The following LCMT1 variants were observed in gnomAD, a reference collection of about 807,000 sequenced individuals.
LCMT1 encodes [Phosphatase 2A protein]-leucine-carboxy methyltransferase 1.
In LCMT1, 32 loss-of-function variants were observed where a neutral mutation model predicts 47.7. That is an observed-to-expected ratio of 0.67 (90% confidence interval 0.51 to 0.90). The LOEUF (loss-of-function observed/expected upper bound fraction) is 0.90. Ranked by LOEUF, LCMT1 falls within the 40% of genes least tolerant of loss-of-function variation. The probability of loss-of-function intolerance (pLI) is 0.00; values close to 1 mark genes in which losing one functional copy is unlikely to be tolerated. For missense variants in LCMT1, 375 were observed against 415.2 expected, an observed-to-expected ratio of 0.90 and a Z score of 0.84; for synonymous variants, 152 against 149.7, an observed-to-expected ratio of 1.02 and a Z score of -0.11.
intron 9 of LCMT1, among the ~76,000 whole-genome samples, chr16:25,174,318 A>G (rs544126027): frequency 7.2e-5 from 11 of 151,894 alleles, no homozygotes; most frequent in South Asian, 2.1e-4. Flanking sequence ...AGTAAAAACA[A>G]CCCTCCTCAC....
Position 25,132,491 on chromosome 16 carries a change from G to A in LCMT1, c.295G>A (p.Ala99Thr), listed in dbSNP as rs1294679170. Residue 99 changes from alanine to threonine, a missense_variant, in exon 3 of 11, where the codon GCA (alanine) becomes ACA (threonine). Transcript: ENST00000399069. The part of the protein sequence containing the change: ...ECHCQIVNLG[A>T]GMDTTFWRLK... Reference sequence around the variant, plus strand: ...TCATTGTCAAATTGTCAACCTTGGGGCAGGCATGGATACCACCTTCTGGAG... The same window carrying A: ...TCATTGTCAAATTGTCAACCTTGGGACAGGCATGGATACCACCTTCTGGAG... 1 of 1,613,748 alleles carries A rather than the reference G, an allele frequency of 6.2e-7. No homozygotes were observed. Among genetic ancestry groups the A allele is most frequent in the African/African-American group, 1.3e-5 (1 of 74,900 alleles).
At chr16:25,165,954 T>G (rs575402608) in intron 7 of LCMT1, among the ~76,000 whole-genome samples, 10 of 152,266 alleles carry the variant, frequency 6.6e-5, no homozygotes, top group African/African-American at 2.4e-4. Flanking sequence ...TATTTTTTGT[T>G]CTCTCTGAGC....
intron 7 of LCMT1, among the ~76,000 whole-genome samples, 159 bp downstream of exon 7, chr16:25,164,877 C>A (rs898633541): frequency 6.6e-6 from 1 of 152,244 alleles, no homozygotes; most frequent in African/African-American, 2.4e-5. Flanking sequence ...GTACTCCTGA[C>A]CTCTTGACCT....
intron 1 of LCMT1, among the ~76,000 whole-genome samples, chr16:25,119,991 T>C (rs1013956732): frequency 4.0e-5 from 6 of 151,698 alleles, no homozygotes; most frequent in African/African-American, 1.5e-4. Flanking sequence ...AAATCCCGTC[T>C]CTACTAAAAA....
chr16:25,140,947 CCTCTA>C (rs1960668552), intron 4 of LCMT1: 1 of 149,974 alleles, frequency 6.7e-6, no homozygotes, highest in Non-Finnish European at 1.5e-5. Flanking sequence ...GAGATTTCAC[CCTCTA>C]TTCTTAAGGA....
intron 1 of LCMT1, among the ~76,000 whole-genome samples, chr16:25,114,683 C>T (rs1222931868): frequency 6.6e-6 from 1 of 152,140 alleles, no homozygotes; most frequent in Non-Finnish European, 1.5e-5. Flanking sequence ...CTCTCCTTAG[C>T]CATTCCCTCC....
intron 3 of LCMT1, 107 bp downstream of exon 3, chr16:25,132,630 C>G (rs1291610833): frequency 5.7e-6 from 7 of 1,227,106 alleles, no homozygotes; most frequent in Admixed American, 2.1e-5. Context: ...CAGCGAAAGC[C>G]TGTCTCCCAC....
In LCMT1 at chr16:25,161,106, A is replaced by G. The variant is rs1208799856; in HGVS notation, c.471A>G (p.Gly157=). The stretch of plus-strand genomic sequence containing the variant: ...AGCCTCTGATTGCATTTGCAGATGG[A>G]CACATACTGGATTCAAAGAGATATG... ...LHSEDTLQMD[G]HILDSKRYAV... The change falls in exon 6 of 11, where the codon GGA becomes GGG. Residue 157 remains glycine, a synonymous_variant. Transcript: ENST00000399069. 6.3e-7 allele frequency: 1 copy of G among 1,597,556 alleles called. No individual in the cohort carries two copies. The highest frequency in any genetic ancestry group is 1.1e-5 in the South Asian group (1 of 89,210).
In LCMT1 at chr16:25,168,046, C is replaced by T. The variant is rs11644463; in HGVS notation, c.691-1066C>T. 4.3e-3 allele frequency among the ~76,000 whole-genome samples: 619 copies of T among 145,580 alleles called. 3 individuals carry two copies. Among genetic ancestry groups the T allele is most frequent in the Non-Finnish European group, 6.7e-3 (451 of 66,948 alleles). ...TGCTGGGATTATAGGCGTGAGCTAC[C>T]GCACCCAGCCTTTTTTTTTTGAGAC... On this transcript the variant is annotated intron_variant, in intron 7 of 10. Coordinates refer to ENST00000399069, the MANE Select transcript of LCMT1 (RefSeq NM_016309.3).
intron 5 of LCMT1, among the ~76,000 whole-genome samples, chr16:25,155,603 A>G (rs1459338731): frequency 3.9e-5 from 6 of 151,968 alleles, no homozygotes; most frequent in Admixed American, 2.6e-4. Context: ...AAAACTCCCT[A>G]TCGGATAGGA....
intron 1 of LCMT1, among the ~76,000 whole-genome samples, chr16:25,123,236 T>C (rs1567307809): frequency 1.3e-4 from 19 of 148,844 alleles, no homozygotes. Context: ...TTTTTTTTTT[T>C]TTTTTTGTGA....
chr16:25,140,094 C>A lies in LCMT1; in HGVS notation c.328-77C>A, dbSNP rs556859935. 7 of 1,036,020 alleles carry A rather than the reference C, an allele frequency of 6.8e-6. No individual in the cohort carries two copies. The Admixed American group carries it at 1.4e-4, about 21-fold the overall frequency. The allele number at this position is 1,036,020 out of a possible 1,614,324, so 64.2% of individuals were successfully genotyped here. A position where few individuals can be genotyped will look rare whatever the true frequency, so the allele number is the denominator to read the frequency against. On this transcript the variant is annotated intron_variant, in intron 3 of 10. Transcript: ENST00000399069. ...CCTTAAACACTATTGCTCTTAGGTG[C>A]CTAGTGCTTGATATGTGGAAGATGA...
chr16:25,159,837 A>T (rs1417002412), intron 5 of LCMT1, among the ~76,000 whole-genome samples: 1 of 152,096 alleles, frequency 6.6e-6, no homozygotes, highest in African/African-American at 2.4e-5. Context: ...TAGCAGTAGT[A>T]TGGGTAGCTG....
intron 1 of LCMT1, among the ~76,000 whole-genome samples, chr16:25,121,869 G>A (rs1182167542): frequency 6.6e-6 from 1 of 152,178 alleles, no homozygotes; most frequent in Non-Finnish European, 1.5e-5. Flanking sequence ...AACCATATCA[G>A]TGGCATAGTA....
intron 10 of LCMT1, 82 bp from the exon 11 acceptor site, chr16:25,177,919 G>A: frequency 1.6e-6 from 2 of 1,223,724 alleles, no homozygotes; most frequent in Non-Finnish European, 2.4e-6. Flanking sequence ...GTGCCCCTGA[G>A]CCGGTCACTG....
intron 1 of LCMT1, among the ~76,000 whole-genome samples, chr16:25,120,577 T>C (rs1959943622): frequency 6.6e-6 from 1 of 151,750 alleles, no homozygotes; most frequent in Non-Finnish European, 1.5e-5. Context: ...ATTACAGGCA[T>C]GTGCCACCAC....
chr16:25,157,132 C>T (rs1961283549), intron 5 of LCMT1, among the ~76,000 whole-genome samples: 2 of 150,912 alleles, frequency 1.3e-5, no homozygotes, highest in Admixed American at 1.3e-4. Context: ...GATTATTAGT[C>T]ATATGATACA....
At chr16:25,177,299 C>T (rs773994405) in intron 10 of LCMT1, among the ~76,000 whole-genome samples, 2 of 152,058 alleles carry the variant, frequency 1.3e-5, no homozygotes, top group Non-Finnish European at 2.9e-5. Context: ...TAAGAAAATC[C>T]ACCTGTATGC....
intron 5 of LCMT1, among the ~76,000 whole-genome samples, chr16:25,157,202 A>G (rs980176526): frequency 6.6e-6 from 1 of 151,686 alleles, no homozygotes; most frequent in East Asian, 1.9e-4. Flanking sequence ...ACATTGTGTA[A>G]GTCTTCAGTT....
Sources: gnomAD v4.1 joint callset for allele counts (sites outside exome capture counted in the v4.1 genomes callset) on GRCh38, gnomAD v4.1.1 for gene constraint, MANE v1.5 for transcripts, NCBI Gene and HGNC (gene_info 2026-07-23, HGNC 2026-07-21) for gene names.